Variants in SOX30 observed in about 807,000 individuals in gnomAD.
SOX30 encodes the protein transcription factor SOX-30.
In SOX30, 17 loss-of-function variants were observed where a neutral mutation model predicts 58.6. That is an observed-to-expected ratio of 0.29 (90% CI 0.20 to 0.44). SOX30 has a LOEUF of 0.44. Among genes scored for constraint, SOX30 ranks in the 20% least tolerant of loss-of-function variants. The probability of loss-of-function intolerance (pLI) is 1.00; values close to 1 mark genes in which losing one functional copy is unlikely to be tolerated. For synonymous variants in SOX30, 421 were observed against 400.2 expected (o/e 1.05, Z -0.62); for missense variants, 951 against 965.8 (o/e 0.98, Z 0.20).
chr5:157,627,919 A>G (rs988845676), intron 4 of SOX30, among the ~76,000 whole-genome samples: 1 of 151,938 alleles, frequency 6.6e-6, no homozygotes, highest in Non-Finnish European at 1.5e-5. Flanking sequence ...GCGTGAACCC[A>G]GAAGGCGGAG....
At chr5:157,659,612 A>G (rs1759540905) in intron 2 of SOX30, among the ~76,000 whole-genome samples, 1 of 152,206 alleles carries the variant, frequency 6.6e-6, no homozygotes, top group Non-Finnish European at 1.5e-5. Flanking sequence ...AGCCTTAATC[A>G]ATTTAGAAGT....
chr5:157,638,174 AG>A (rs1758974379), intron 4 of SOX30, 55 bp downstream of exon 4: 4 of 1,456,118 alleles, frequency 2.7e-6, no homozygotes, highest in Non-Finnish European at 3.7e-6. Context: ...ATGTTGTCAC[AG>A]GTAAAAACTC....
At chr5:157,630,033 G>C (rs1337641934) in intron 4 of SOX30, among the ~76,000 whole-genome samples, 1 of 152,166 alleles carries the variant, frequency 6.6e-6, no homozygotes, top group South Asian at 2.1e-4. Context: ...CTGTCATAAG[G>C]AACAGGAGAA....
At chr5:157,648,929 G>T in intron 1 of SOX30, 33 bp from the exon 2 acceptor site, 1 of 1,523,896 alleles carries the variant, frequency 6.6e-7, no homozygotes. Context: ...CTAAATTAAT[G>T]TGCCATACAC....
At chr5:157,647,617 C>T (rs1167719247) in intron 2 of SOX30, among the ~76,000 whole-genome samples, 12 of 152,052 alleles carry the variant, frequency 7.9e-5, no homozygotes, top group Admixed American at 5.2e-4. Context: ...TGCAGTGGCA[C>T]GATCTCGGCT....
intron 2 of SOX30, among the ~76,000 whole-genome samples, chr5:157,647,381 C>A (rs186239359): frequency 6.6e-6 from 1 of 151,872 alleles, no homozygotes; most frequent in Non-Finnish European, 1.5e-5. Context: ...GTTTTATAAC[C>A]AATGACACAG....
Position 157,646,686 on chromosome 5 carries a change from C to CGTAGGTGAGCGGTAAGGATCT in SOX30, c.1337_1338insAGATCCTTACCGCTCACCTAC (p.Thr446_Tyr447insAspProTyrArgSerProThr). ...GTAGGCTGGGAATTACCACAGAGTACGTAGGTGAGCGGTAAGGATAAACTG... is the reference window on the plus strand; with the variant it reads ...GTAGGCTGGGAATTACCACAGAGTACGTAGGTGAGCGGTAAGGATCTGTAGGTGAGCGGTAAGGATAAACTG... On this transcript the variant is annotated inframe_insertion, in exon 3 of 5. Coordinates refer to ENST00000265007, the MANE Select transcript of SOX30 (RefSeq NM_178424.2). 1 of 1,613,460 alleles carries CGTAGGTGAGCGGTAAGGATCT rather than the reference C, an allele frequency of 6.2e-7. No individual in the cohort carries two copies.
chr5:157,654,127 T>C (rs1339449823), upstream of SOX30, among the ~76,000 whole-genome samples: 1 of 148,798 alleles, frequency 6.7e-6, no homozygotes, highest in East Asian at 2.0e-4. Flanking sequence ...ATCGTGCCAC[T>C]GCACTCCAGC....
rs755211134 is a variant in SOX30 at position 157,638,210 on chromosome 5, GA to G, written c.1880+19del. On this transcript the variant is annotated intron_variant, in intron 4 of 4. Transcript: ENST00000265007. ...CATTAGCTGAATGTTTAGGTAAAAG[GA>G]AAAAAAATGTTAATTTACCTTGATG... The G allele has an allele frequency of 6.6e-6, 10 of 1,506,546 alleles. No individual in the cohort carries two copies. The highest frequency in any genetic ancestry group is 8.9e-6 in the Non-Finnish European group (10 of 1,127,342). The allele number at this position is 1,506,546 out of a possible 1,614,324, so 93.3% of individuals were successfully genotyped here.
At chr5:157,663,432 T>A (rs1287704104) in intron 2 of SOX30, among the ~76,000 whole-genome samples, 1 of 152,092 alleles carries the variant, frequency 6.6e-6, no homozygotes, top group Non-Finnish European at 1.5e-5. Context: ...TCAATAAATT[T>A]GGTATTGATG....
chr5:157,641,270 A>G lies in SOX30; in HGVS notation c.1388-2548T>C, dbSNP rs368227114. ...GTAAGAGAAGAGGAGCTTGGGAGAT[A>G]GTACTAAATGTGAGTGACAGAGTAA... On this transcript the variant is annotated intron_variant, in intron 3 of 4. Transcript: ENST00000265007. Among the ~76,000 whole-genome samples, 292 of 152,260 alleles carry G rather than the reference A, an allele frequency of 1.9e-3. 4 individuals carry two copies. Among genetic ancestry groups the G allele is most frequent in the African/African-American group, 6.5e-3 (269 of 41,548 alleles).
At chr5:157,648,979 T>C (rs952061380) in intron 1 of SOX30, 83 bp from the exon 2 acceptor site, 1 of 1,480,808 alleles carries the variant, frequency 6.8e-7, no homozygotes, top group Admixed American at 2.2e-5. Flanking sequence ...CACCTCCGTC[T>C]ATACTTATTT....
chr5:157,666,520 CA>C lies in SOX30; in HGVS notation c.52+1277del, dbSNP rs1561591721. Among the ~76,000 whole-genome samples the C allele has an allele frequency of 6.4e-4, 93 of 145,398 alleles. 2 individuals are homozygous for C. The highest frequency in any genetic ancestry group is 2.2e-3 in the African/African-American group (80 of 36,006). On this transcript the variant is annotated intron_variant, in intron 2 of 5. Coordinates refer to the SOX30 transcript ENST00000519442. Reference sequence around the variant, plus strand: ...ACACACACACACACACACACACACACACACACACCTCAGTTCAAATGAAATC... The same window carrying C: ...ACACACACACACACACACACACACACCACACACCTCAGTTCAAATGAAATC...
chr5:157,653,055 T>C (rs1203484965), upstream of SOX30, among the ~76,000 whole-genome samples: 1 of 152,178 alleles, frequency 6.6e-6, no homozygotes, highest in African/African-American at 2.4e-5. Flanking sequence ...GTAATTGTGG[T>C]TTTTGCCATT....
At chr5:157,630,033 G>T (rs1337641934) in intron 4 of SOX30, among the ~76,000 whole-genome samples, 1 of 152,166 alleles carries the variant, frequency 6.6e-6, no homozygotes, top group Non-Finnish European at 1.5e-5. Flanking sequence ...CTGTCATAAG[G>T]AACAGGAGAA....
At chr5:157,660,317 G>A (rs1429721731) in intron 2 of SOX30, among the ~76,000 whole-genome samples, 2 of 152,150 alleles carry the variant, frequency 1.3e-5, no homozygotes, top group African/African-American at 2.4e-5. Context: ...AGCTACTCGG[G>A]AGGCCGAGGC....
At chr5:157,664,182 G>A (rs915190533) in intron 2 of SOX30, among the ~76,000 whole-genome samples, 2 of 152,048 alleles carry the variant, frequency 1.3e-5, no homozygotes, top group African/African-American at 4.8e-5. Flanking sequence ...CACGCTACCT[G>A]ACTTCAAACT....
chr5:157,654,765 CTT>C (rs1034769524), upstream of SOX30, among the ~76,000 whole-genome samples: 21 of 152,200 alleles, frequency 1.4e-4, no homozygotes, highest in African/African-American at 4.1e-4. Context: ...AGAATTACCT[CTT>C]GTCATCCTCA....
intron 4 of SOX30, among the ~76,000 whole-genome samples, chr5:157,632,547 G>A (rs1384294180): frequency 1.3e-5 from 2 of 152,168 alleles, no homozygotes; most frequent in South Asian, 2.1e-4. Context: ...CCTGGAGGCA[G>A]TGCAGTGAGC....
Sources: allele counts gnomAD v4.1 joint callset (sites outside exome capture counted in the v4.1 genomes callset), GRCh38; gene constraint gnomAD v4.1.1; transcripts MANE v1.5; gene names NCBI Gene and HGNC (gene_info 2026-07-23, HGNC 2026-07-21).